HAUS6: variants seen among roughly 807,000 people sequenced by gnomAD.
HAUS6 encodes the protein HAUS augmin like complex subunit 6.
HAUS6 carries 80 observed loss-of-function variants against 106.8 expected under a neutral mutation model. The ratio of observed to expected loss-of-function variants is 0.75; its 90% CI spans 0.63 to 0.90. The LOEUF is 0.90. Ranked by LOEUF, HAUS6 falls within the 40% of genes least tolerant of loss-of-function variation. The pLI is 0.00. For synonymous variants in HAUS6, 356 were observed against 379.1 expected (o/e 0.94, Z 0.71); for missense variants, 1,155 against 1,118.1 (o/e 1.03, Z -0.47).
chr9:19,064,653 A>T (rs914993816), intron 12 of HAUS6, among the ~76,000 whole-genome samples: 1 of 152,232 alleles, frequency 6.6e-6, no homozygotes, highest in South Asian at 2.1e-4. Context: ...CTTTCTTCTT[A>T]TAACTAGAAG....
At chr9:19,102,329 C>T (rs1316786542) in intron 1 of HAUS6, among the ~76,000 whole-genome samples, 195 bp downstream of exon 1, 2 of 152,212 alleles carry the variant, frequency 1.3e-5, no homozygotes, top group African/African-American at 4.8e-5. Flanking sequence ...GCTTCCGGCA[C>T]TCTTGCATTA....
intron 9 of HAUS6, among the ~76,000 whole-genome samples, chr9:19,078,893 A>G (rs1304695879): frequency 6.9e-6 from 1 of 144,874 alleles, no homozygotes; most frequent in East Asian, 2.1e-4. Flanking sequence ...GGTGGCTCAC[A>G]CCTATAATCC....
At chr9:19,074,416 C>G (rs147893073) in intron 11 of HAUS6, among the ~76,000 whole-genome samples, 1 of 152,086 alleles carries the variant, frequency 6.6e-6, no homozygotes. Context: ...GGACTACAGA[C>G]ACACACCACC....
In HAUS6 at chr9:19,102,592, C is replaced by T. The variant is rs753124397; in HGVS notation, c.60G>A (p.Ala20=). 5 of 1,613,848 alleles carry T rather than the reference C, an allele frequency of 3.1e-6. No homozygotes were observed. The Middle Eastern group carries it at 8.3e-4, about 266-fold the overall frequency. The change falls in exon 1 of 17, where the codon GCG becomes GCA. Residue 20 remains alanine, a synonymous_variant. Coordinates refer to ENST00000380502, the MANE Select transcript of HAUS6 (RefSeq NM_017645.5). ...TTGCCGGGCCTGGCTCGAAGCCGAG[C>T]GCCTGCAGATACATCCAGAGATGCT... ...EKEHLWMYLQ[A]LGFEPGPATI...
intron 8 of HAUS6, among the ~76,000 whole-genome samples, chr9:19,082,660 C>T (rs978533378): frequency 5.9e-5 from 9 of 152,000 alleles, no homozygotes; most frequent in Admixed American, 6.6e-5. Context: ...GCAGGAGAAT[C>T]TCTTGAACCT....
At chr9:19,082,733 A>C (rs1182243030) in intron 8 of HAUS6, 140 bp downstream of exon 8, 5 of 500,280 alleles carry the variant, frequency 1.0e-5, no homozygotes, top group Non-Finnish European at 1.7e-5. Context: ...CCTGGGCAAT[A>C]AGAGCAAAAT....
intron 15 of HAUS6, 65 bp from the exon 16 acceptor site, chr9:19,059,066 T>C: frequency 1.2e-6 from 1 of 861,488 alleles, no homozygotes; most frequent in Non-Finnish European, 1.8e-6. Context: ...CAATGAATCA[T>C]TTTATTTCTA....
intron 11 of HAUS6, among the ~76,000 whole-genome samples, chr9:19,072,427 T>C (rs927003149): frequency 1.3e-5 from 2 of 150,230 alleles, no homozygotes; most frequent in East Asian, 4.0e-4. Flanking sequence ...GCAGAAGAAT[T>C]GCTTGAACCC....
chr9:19,089,879 C>CA lies in HAUS6; in HGVS notation c.437-321_437-320insT, dbSNP rs1817708091. ...ACAGGGTCTCACTCTATTGCCCAGG[C>CA]TGGAGTGCAGTGGCACAAGCATAGG... On this transcript the variant is annotated intron_variant, in intron 4 of 16. Transcript: ENST00000380502. Among the ~76,000 whole-genome samples the CA allele has an allele frequency of 3.3e-5, 5 of 152,254 alleles. 1 individual carries two copies. The highest frequency in any genetic ancestry group is 1.3e-4 in the Admixed American group (2 of 15,282).
At chr9:19,073,429 A>AG (rs903543713) in intron 11 of HAUS6, among the ~76,000 whole-genome samples, 154 of 151,842 alleles carry the variant, frequency 1.0e-3, no homozygotes, top group Non-Finnish European at 6.8e-4. Flanking sequence ...TAGGAAAAAA[A>AG]AAAAGGACTC....
rs184292861 is a variant in HAUS6, at chr9:19,082,578, G to A, written c.870+295C>T. ...AGCCTGACCAACATGGAGAAACCCC[G>A]TCTACTAAAAATACAAAATTAGCTG... On this transcript the variant is annotated intron_variant, in intron 8 of 16. Coordinates refer to ENST00000380502, the MANE Select transcript of HAUS6 (RefSeq NM_017645.5). Among the ~76,000 whole-genome samples the A allele has an allele frequency of 3.1e-3, 477 of 151,996 alleles. 3 individuals are homozygous for A. Among genetic ancestry groups the A allele is most frequent in the African/African-American group, 0.011 (446 of 41,470 alleles).
Position 19,058,213 on chromosome 9 carries a change from A to T in HAUS6, c.2554T>A (p.Tyr852Asn), listed in dbSNP as rs201292604. The T allele has an allele frequency of 1.3e-4, 211 of 1,613,816 alleles. No individual in the cohort carries two copies. The highest frequency in any genetic ancestry group is 5.1e-5 in the Non-Finnish European group (60 of 1,179,846). ...KSLSKKREESYLSNSQTPERH... is the reference protein window; with the variant it reads ...KSLSKKREESNLSNSQTPERH... The stretch of plus-strand genomic sequence containing the variant: ...TCGGGTGTTTGGGAATTCGAGAGGT[A>T]AGATTCTTCCCTTTTCTTGGAAAGA... Residue 852 changes from tyrosine (Y) to asparagine (N), a missense_variant, in exon 16 of 17, where the codon TAC becomes AAC. By Grantham distance (143) the Tyr-to-Asn change is moderately radical. Transcript: ENST00000380502.
rs1564006859 is a variant in HAUS6 at position 19,060,191 on chromosome 9, C to T, written c.1662G>A (p.Gln554=). Residue 554 remains glutamine, a synonymous_variant, in exon 15 of 17, where the codon CAG becomes CAA. Coordinates refer to ENST00000380502, the MANE Select transcript of HAUS6 (RefSeq NM_017645.5). The part of the protein sequence containing the change: ...VARAVLSDSP[Q]LSEGKEIKLE... The stretch of plus-strand genomic sequence containing the variant: ...ATTTTATTTCTTTTCCTTCAGAGAG[C>T]TGTGGTGAATCAGATAAAACTGCTC... The T allele has an allele frequency of 6.3e-7, 1 of 1,580,006 alleles. No individual in the cohort carries two copies. The highest frequency in any genetic ancestry group is 8.6e-7 in the Non-Finnish European group (1 of 1,165,370).
chr9:19,081,047 G>A (rs1242494531), intron 8 of HAUS6, among the ~76,000 whole-genome samples: 1 of 151,916 alleles, frequency 6.6e-6, no homozygotes, highest in African/African-American at 2.4e-5. Context: ...ACTCCAGCCT[G>A]GGCAATAAGA....
chr9:19,072,742 T>C (rs1470166682), intron 11 of HAUS6, among the ~76,000 whole-genome samples: 1 of 152,082 alleles, frequency 6.6e-6, no homozygotes, highest in Non-Finnish European at 1.5e-5. Flanking sequence ...GCATATACTT[T>C]GAGATACACT....
chr9:19,073,097 A>G (rs1490054837), intron 11 of HAUS6, among the ~76,000 whole-genome samples: 1 of 152,154 alleles, frequency 6.6e-6, no homozygotes, highest in Non-Finnish European at 1.5e-5. Context: ...CAGAATAAAG[A>G]TTAGATTCAG....
chr9:19,075,782 C>T (rs750791728), intron 11 of HAUS6, among the ~76,000 whole-genome samples: 2 of 151,440 alleles, frequency 1.3e-5, no homozygotes, highest in Non-Finnish European at 2.9e-5. Flanking sequence ...GGTGAAACTC[C>T]GTCTCTACTA....
intron 2 of HAUS6, among the ~76,000 whole-genome samples, 161 bp from the exon 3 acceptor site, chr9:19,094,556 C>G (rs956154663): frequency 2.0e-5 from 3 of 152,128 alleles, no homozygotes; most frequent in East Asian, 1.9e-4. Flanking sequence ...CTTTGGAAAG[C>G]CAATGCAGAC....
At chr9:19,089,267 A>G (rs900796539) in intron 5 of HAUS6, 145 bp downstream of exon 5, 17 of 605,402 alleles carry the variant, frequency 2.8e-5, no homozygotes, top group Non-Finnish European at 4.3e-5. Flanking sequence ...GGAAAAAAAA[A>G]AAGAAGAAGA....
Sources: allele counts gnomAD v4.1 joint callset (sites outside exome capture counted in the v4.1 genomes callset), GRCh38; gene constraint gnomAD v4.1.1; transcripts MANE v1.5; gene names NCBI Gene and HGNC (gene_info 2026-07-23, HGNC 2026-07-21).